The following FAM13C variants were observed in gnomAD, a reference collection of about 807,000 sequenced individuals.
FAM13C encodes the protein family with sequence similarity 13 member C.
A neutral mutation model predicts 73.2 loss-of-function variants in FAM13C; 37 were observed. That is an observed-to-expected ratio of 0.51 (90% confidence interval 0.39 to 0.67). The LOEUF (loss-of-function observed/expected upper bound fraction) is 0.67. FAM13C is among the 30% of genes least tolerant of loss of function. FAM13C has a pLI of 0.00. For synonymous variants in FAM13C, 246 were observed against 260.9 expected, an observed-to-expected ratio of 0.94 and a Z score of 0.55; for missense variants, 589 against 715.6, an observed-to-expected ratio of 0.82 and a Z score of 2.02.
intron 1 of FAM13C, among the ~76,000 whole-genome samples, chr10:59,358,560 A>C (rs966031945): frequency 4.6e-5 from 7 of 152,198 alleles, no homozygotes; most frequent in African/African-American, 1.7e-4. Flanking sequence ...TTTCAATAGC[A>C]AAGTAGCAAC....
rs369085973 is a variant in FAM13C at position 59,268,540 on chromosome 10, C to T, written c.942+13G>A. The T allele has an allele frequency of 1.4e-5, 23 of 1,613,312 alleles. No individual in the cohort carries two copies. Among genetic ancestry groups the T allele is most frequent in the Non-Finnish European group, 1.9e-5 (23 of 1,179,584 alleles). ...GACCAATCCGCTCCTATGTCAAACC[C>T]CAGGGTTCTTACCCGGTATTTCTTT... On this transcript the variant is annotated intron_variant, in intron 8 of 13. Transcript: ENST00000618804.
rs1841702179 is a variant in FAM13C, at chr10:59,254,199, G to T, written c.1332+149C>A. The T allele has an allele frequency of 1.3e-5, 6 of 452,796 alleles. 1 individual carries two copies. In the South Asian group the frequency reaches 4.6e-4, roughly 35 times the overall value. 28.0% of individuals were successfully genotyped at this position (452,796 alleles called of 1,614,324 possible). A position where few individuals can be genotyped will look rare whatever the true frequency, so the allele number is the denominator to read the frequency against. The stretch of plus-strand genomic sequence containing the variant: ...TAAATATAGTAATGGGGTTAGAGAA[G>T]ACCAAATTTTCACTTTTTGAAATGA... On this transcript the variant is annotated intron_variant, in intron 11 of 13. Transcript: ENST00000618804.
chr10:59,341,665 G>A (rs1325831761), intron 3 of FAM13C, among the ~76,000 whole-genome samples: 2 of 151,980 alleles, frequency 1.3e-5, no homozygotes, highest in African/African-American at 2.4e-5. Context: ...CTTCAGCCTC[G>A]GCAACAAGAG....
At chr10:59,305,554 C>T (rs1215715905) in intron 4 of FAM13C, among the ~76,000 whole-genome samples, 1 of 152,142 alleles carries the variant, frequency 6.6e-6, no homozygotes, top group Non-Finnish European at 1.5e-5. Context: ...GCAACAAGGT[C>T]AATATCTAAA....
chr10:59,326,067 A>T (rs1233618967), intron 3 of FAM13C, among the ~76,000 whole-genome samples: 1 of 151,998 alleles, frequency 6.6e-6, no homozygotes, highest in Non-Finnish European at 1.5e-5. Context: ...ATAGTATTTT[A>T]TCTAACTCTT....
rs1254760272 is a variant in FAM13C, at chr10:59,302,664, C to CTATAA, written c.507+132_507+136dup. The CTATAA allele has an allele frequency of 5.5e-6, 4 of 728,562 alleles. No homozygotes were observed. The African/African-American group carries it at 7.1e-5, about 13-fold the overall frequency. The allele number at this position is 728,562 out of a possible 1,614,324, so 45.1% of individuals were successfully genotyped here. ...AAAACATTACCAATTGAACAAAGAA[C>CTATAA]TATAAGTATTACAAGTTCACTTAAA... On this transcript the variant is annotated intron_variant, in intron 5 of 13. Transcript: ENST00000618804.
chr10:59,359,498 A>C (rs1856128712), intron 1 of FAM13C, among the ~76,000 whole-genome samples: 1 of 152,236 alleles, frequency 6.6e-6, no homozygotes, highest in Non-Finnish European at 1.5e-5. Flanking sequence ...ATGTTCCCTG[A>C]AGGCAAAGTT....
At chr10:59,269,479 C>T (rs1402747635) in intron 7 of FAM13C, among the ~76,000 whole-genome samples, 1 of 151,622 alleles carries the variant, frequency 6.6e-6, no homozygotes, top group Non-Finnish European at 1.5e-5. Context: ...CTATTGTAAG[C>T]TACCACTTTT....
At chr10:59,290,508 A>G (rs1394704617) in intron 5 of FAM13C, among the ~76,000 whole-genome samples, 1 of 152,116 alleles carries the variant, frequency 6.6e-6, no homozygotes, top group African/African-American at 2.4e-5. Context: ...CCACATACAT[A>G]CAACACCCTT....
chr10:59,257,477 A>ACCC (rs1842055207), intron 10 of FAM13C, among the ~76,000 whole-genome samples: 1 of 152,220 alleles, frequency 6.6e-6, no homozygotes, highest in Non-Finnish European at 1.5e-5. Context: ...AGAAATTTAT[A>ACCC]AATGAAATCA....
At chr10:59,277,047 T>C (rs1478541376) in intron 6 of FAM13C, among the ~76,000 whole-genome samples, 1 of 152,092 alleles carries the variant, frequency 6.6e-6, no homozygotes, top group African/African-American at 2.4e-5. Flanking sequence ...TTTTTCAGAG[T>C]GAAATGCTAA....
At position 59,252,767 on chromosome 10, in the gene FAM13C, G is replaced by A. The variant is rs761564768; in HGVS notation, c.1532+32C>T. Reference sequence around the variant, plus strand: ...CTGGTATCAGACCAGAAGGAGTTAAGAGGAGACTCCACACTTAGGATTCAT... The same window carrying A: ...CTGGTATCAGACCAGAAGGAGTTAAAAGGAGACTCCACACTTAGGATTCAT... On this transcript the variant is annotated intron_variant, in intron 12 of 13. Coordinates refer to ENST00000618804, the MANE Select transcript of FAM13C (RefSeq NM_198215.4). The A allele has an allele frequency of 1.7e-5, 28 of 1,603,176 alleles. No individual in the cohort carries two copies. The South Asian group carries it at 2.9e-4, about 16-fold the overall frequency.
At chr10:59,314,239 C>A (rs1039562282) in intron 4 of FAM13C, among the ~76,000 whole-genome samples, 1 of 152,182 alleles carries the variant, frequency 6.6e-6, no homozygotes, top group Non-Finnish European at 1.5e-5. Flanking sequence ...TAAGCAAAAA[C>A]CTTCATGGAG....
At position 59,256,884 on chromosome 10, in the gene FAM13C, A is replaced by G. The variant is rs532047877; in HGVS notation, c.1237-2441T>C. ...CAGATAATTTTCTCTTCTGAATTCA[A>G]TGGCTCTCTCTTTCTGAAGTACATC... On this transcript the variant is annotated intron_variant, in intron 10 of 13. Coordinates refer to ENST00000618804, the MANE Select transcript of FAM13C (RefSeq NM_198215.4). Among the ~76,000 whole-genome samples the G allele has an allele frequency of 1.1e-3, 174 of 152,296 alleles. 1 individual carries two copies. The highest frequency in any genetic ancestry group is 2.2e-3 in the Admixed American group (33 of 15,290).
intron 4 of FAM13C, among the ~76,000 whole-genome samples, chr10:59,310,569 A>T (rs1350763086): frequency 6.6e-6 from 1 of 151,638 alleles, no homozygotes; most frequent in African/African-American, 2.4e-5. Flanking sequence ...TTCAAAGACT[A>T]AAAAAAAACC....
chr10:59,324,920 A>T (rs1382283270), intron 3 of FAM13C, among the ~76,000 whole-genome samples: 1 of 152,114 alleles, frequency 6.6e-6, no homozygotes, highest in Non-Finnish European at 1.5e-5. Context: ...ACTAAAACTA[A>T]TCTGGATTCA....
chr10:59,266,465 A>G (rs1158804519), intron 8 of FAM13C, among the ~76,000 whole-genome samples: 1 of 152,168 alleles, frequency 6.6e-6, no homozygotes, highest in East Asian at 1.9e-4. Flanking sequence ...GGGGAGCCTT[A>G]CACACAGCAA....
At chr10:59,300,437 G>C (rs1300245992) in intron 5 of FAM13C, among the ~76,000 whole-genome samples, 1 of 152,186 alleles carries the variant, frequency 6.6e-6, no homozygotes. Context: ...ATAAGGATGT[G>C]TGGGGAGGTG....
At chr10:59,345,796 A>T (rs1428295929) in intron 3 of FAM13C, among the ~76,000 whole-genome samples, 1 of 152,246 alleles carries the variant, frequency 6.6e-6, no homozygotes, top group Non-Finnish European at 1.5e-5. Context: ...CTGACCAGGA[A>T]CAAATCTTCC....
Sources: gnomAD v4.1 joint callset for allele counts (sites outside exome capture counted in the v4.1 genomes callset) on GRCh38, gnomAD v4.1.1 for gene constraint, MANE v1.5 for transcripts, NCBI Gene and HGNC (gene_info 2026-07-23, HGNC 2026-07-21) for gene names.